CNTNAP2: variants seen among roughly 807,000 people sequenced by gnomAD.
CNTNAP2 encodes contactin-associated protein-like 2.
A neutral mutation model predicts 155.2 loss-of-function variants in CNTNAP2; 98 were observed. The observed-to-expected ratio is 0.63, with a 90% confidence interval of 0.54 to 0.75. The LOEUF is 0.75. CNTNAP2 is among the 30% of genes least tolerant of loss of function. The probability of loss-of-function intolerance (pLI) is 0.00; values close to 1 mark genes in which losing one functional copy is unlikely to be tolerated. For missense variants in CNTNAP2, 1,727 were observed against 1,688.1 expected (o/e 1.02, Z -0.40); for synonymous variants, 651 against 631.2 (o/e 1.03, Z -0.47).
At chr7:146,414,756 C>A (rs1345758548) in intron 1 of CNTNAP2, among the ~76,000 whole-genome samples, 1 of 152,078 alleles carries the variant, frequency 6.6e-6, no homozygotes, top group Non-Finnish European at 1.5e-5. Context: ...CTGGTATGCA[C>A]CCATGATGTT....
intron 15 of CNTNAP2, among the ~76,000 whole-genome samples, chr7:148,041,301 T>C (rs1331327255): frequency 6.6e-6 from 1 of 152,230 alleles, no homozygotes; most frequent in African/African-American, 2.4e-5. Context: ...TGATGCAGTG[T>C]GACAGCAAGT....
chr7:146,232,728 C>T (rs1799406529), intron 1 of CNTNAP2, among the ~76,000 whole-genome samples: 3 of 152,162 alleles, frequency 2.0e-5, no homozygotes, highest in African/African-American at 7.2e-5. Context: ...CTTACTTACT[C>T]TGCACTTATT....
intron 10 of CNTNAP2, among the ~76,000 whole-genome samples, chr7:147,426,206 A>G (rs1226496329): frequency 6.6e-6 from 1 of 151,976 alleles, no homozygotes; most frequent in African/African-American, 2.4e-5. Flanking sequence ...TAAATAAAAA[A>G]GAGCCTAAAT....
intron 12 of CNTNAP2, among the ~76,000 whole-genome samples, chr7:147,594,012 A>T (rs1800783979): frequency 1.3e-5 from 2 of 152,128 alleles, no homozygotes; most frequent in African/African-American, 4.8e-5. Flanking sequence ...GAAGAGACAG[A>T]CGCAGGGGTT....
rs191143308 is a variant in CNTNAP2, at chr7:146,912,238, C to A, written c.402+72334C>A. The stretch of plus-strand genomic sequence containing the variant: ...GACTATTAGGATGCAGATGTTCTTG[C>A]TGACAGGTGCTTCTAAAGCATTAAA... On this transcript the variant is annotated intron_variant, in intron 3 of 23. Transcript: ENST00000361727. Among the ~76,000 whole-genome samples, 9 of 150,124 alleles carry A rather than the reference C, an allele frequency of 6.0e-5. No individual in the cohort carries two copies. In the Admixed American group the frequency reaches 6.0e-4, roughly 10 times the overall value.
intron 10 of CNTNAP2, among the ~76,000 whole-genome samples, chr7:147,439,540 A>T (rs1453589600): frequency 6.6e-6 from 1 of 151,992 alleles, no homozygotes; most frequent in Non-Finnish European, 1.5e-5. Context: ...TCTGAAAAAA[A>T]GAATGTACAT....
chr7:146,454,584 A>G (rs1387425093), intron 1 of CNTNAP2, among the ~76,000 whole-genome samples: 2 of 151,870 alleles, frequency 1.3e-5, no homozygotes, highest in East Asian at 3.9e-4. Context: ...ATAATACTTT[A>G]TGAAGTATTG....
Position 146,650,830 on chromosome 7 carries a change from G to A in CNTNAP2, c.98-123441G>A, listed in dbSNP as rs1406732577. On this transcript the variant is annotated intron_variant, in intron 1 of 23. Coordinates refer to ENST00000361727, the MANE Select transcript of CNTNAP2 (RefSeq NM_014141.6). ...ATATACAGAATTGTAGCTTTACAAA[G>A]TATAGGAGATAAGTTACTCTGAAGA... Among the ~76,000 whole-genome samples the A allele has an allele frequency of 3.3e-5, 5 of 152,172 alleles. No individual in the cohort carries two copies. The East Asian group carries it at 9.6e-4, about 29-fold the overall frequency.
chr7:147,494,321 A>C (rs1381407133), intron 11 of CNTNAP2, among the ~76,000 whole-genome samples: 1 of 152,192 alleles, frequency 6.6e-6, no homozygotes. Flanking sequence ...GGACCTCTAC[A>C]TTTCTAAGGC....
At chr7:147,919,786 C>T (rs558062536) in intron 14 of CNTNAP2, among the ~76,000 whole-genome samples, 26 of 151,254 alleles carry the variant, frequency 1.7e-4, no homozygotes, top group Admixed American at 7.2e-4. Flanking sequence ...TGTTTTTCTC[C>T]GCGTTGCTCA....
chr7:148,122,745 G>C (rs370591923), intron 16 of CNTNAP2, among the ~76,000 whole-genome samples: 1 of 152,134 alleles, frequency 6.6e-6, no homozygotes, highest in East Asian at 1.9e-4. Context: ...TGCATAGAAA[G>C]AGAGGAAGAC....
chr7:147,361,047 G>C (rs1427812946), intron 9 of CNTNAP2, among the ~76,000 whole-genome samples: 4 of 152,050 alleles, frequency 2.6e-5, no homozygotes, highest in Non-Finnish European at 5.9e-5. Flanking sequence ...GCTGGAGATT[G>C]TAGAAAGCCA....
At chr7:147,241,623 G>A (rs542234033) in intron 8 of CNTNAP2, among the ~76,000 whole-genome samples, 13 of 132,840 alleles carry the variant, frequency 9.8e-5, no homozygotes, top group Admixed American at 2.5e-4. Flanking sequence ...GCAAGACTCC[G>A]TCTCAAAAAA....
chr7:148,263,314 G>C (rs1478407438), intron 20 of CNTNAP2: 1 of 152,132 alleles, frequency 6.6e-6, no homozygotes, highest in African/African-American at 2.4e-5. Flanking sequence ...CTTCATCAAT[G>C]AGTTAAGGCT....
At chr7:147,310,912 A>G (rs991129049) in intron 9 of CNTNAP2, among the ~76,000 whole-genome samples, 15 of 152,174 alleles carry the variant, frequency 9.9e-5, no homozygotes, top group African/African-American at 3.1e-4. Context: ...GGGTCAGTGG[A>G]TAGAAAATTA....
chr7:146,698,425 TA>T (rs1267053147), intron 1 of CNTNAP2, among the ~76,000 whole-genome samples: 1 of 152,198 alleles, frequency 6.6e-6, no homozygotes, highest in Non-Finnish European at 1.5e-5. Context: ...TACAGAGTTC[TA>T]GGCTGTACTT....
chr7:146,541,650 C>A (rs1339798847), intron 1 of CNTNAP2, among the ~76,000 whole-genome samples: 1 of 151,860 alleles, frequency 6.6e-6, no homozygotes, highest in Non-Finnish European at 1.5e-5. Context: ...GGTTATTAAA[C>A]AGCAAAACAC....
In CNTNAP2 at chr7:147,268,470, A is replaced by G. The variant is rs571419024; in HGVS notation, c.1349-31671A>G. Among the ~76,000 whole-genome samples the G allele has an allele frequency of 9.9e-5, 15 of 152,246 alleles. No homozygotes were observed. In the South Asian group the frequency reaches 2.9e-3, roughly 29 times the overall value. On this transcript the variant is annotated intron_variant, in intron 8 of 23. Coordinates refer to ENST00000361727, the MANE Select transcript of CNTNAP2 (RefSeq NM_014141.6). ...AGTGGGAGTTGAATAATGAGAACAC[A>G]TGGACACAGGGAGGGGAACATCATA...
intron 3 of CNTNAP2, among the ~76,000 whole-genome samples, chr7:146,914,459 TA>T (rs781186151): frequency 5.9e-5 from 9 of 152,142 alleles, no homozygotes; most frequent in South Asian, 2.1e-4. Context: ...CAACATCTAT[TA>T]TTTTTTTTTA....
Sources: gnomAD v4.1 joint callset for allele counts (sites outside exome capture counted in the v4.1 genomes callset) on GRCh38, gnomAD v4.1.1 for gene constraint, MANE v1.5 for transcripts, NCBI Gene and HGNC (gene_info 2026-07-23, HGNC 2026-07-21) for gene names.